AFP: variants seen among roughly 807,000 people sequenced by gnomAD.
AFP encodes the protein alpha fetoprotein.
Under a neutral mutation model 78.9 loss-of-function variants are expected in AFP, and 64 were observed. The ratio of observed to expected loss-of-function variants is 0.81; its 90% CI spans 0.66 to 1.00. The LOEUF is 1.00. Among genes scored for constraint, AFP ranks in the 50% least tolerant of loss-of-function variants. The pLI is 0.00. For synonymous variants in AFP, 254 were observed against 243.8 expected (o/e 1.04, Z -0.39); for missense variants, 689 against 703.8 (o/e 0.98, Z 0.24).
chr4:73,445,411 C>A (rs116859134), intron 7 of AFP, among the ~76,000 whole-genome samples: 12 of 151,932 alleles, frequency 7.9e-5, no homozygotes, highest in Non-Finnish European at 1.6e-4. Context: ...ACTTGGAGGA[C>A]GGGAGGAAAC....
At position 73,447,752 on chromosome 4, in the gene AFP, G is replaced by A. The variant is rs1003789417; in HGVS notation, c.1058+76G>A. On this transcript the variant is annotated intron_variant, in intron 8 of 14. Coordinates refer to ENST00000395792, the MANE Select transcript of AFP (RefSeq NM_001134.3). ...CTGACAGATTTGCGTTGTTGAAATG[G>A]AGAGTGATGATTATGGTTTTTGAGT... 3 of 1,238,246 alleles carry A rather than the reference G, an allele frequency of 2.4e-6. No individual in the cohort carries two copies. The African/African-American group carries it at 4.5e-5, about 19-fold the overall frequency. 76.7% of individuals were successfully genotyped at this position (1,238,246 alleles called of 1,614,324 possible).
At chr4:73,444,449 G>A (rs1047122672) in intron 6 of AFP, among the ~76,000 whole-genome samples, 4 of 152,100 alleles carry the variant, frequency 2.6e-5, no homozygotes, top group Non-Finnish European at 5.9e-5. Context: ...AATGAAATAT[G>A]CAGAGGAAAC....
At position 73,456,144 on chromosome 4, in the gene AFP, G is replaced by A. The variant is rs1720151723; in HGVS notation, c.*524G>A. ...TATTCACAGACATTTTAAAACATAA[G>A]AATATTACAGTTTTGATTGAATATA... On this transcript the variant is annotated 3_prime_UTR_variant, in exon 15 of 15. Transcript: ENST00000395792. 6.6e-6 allele frequency: 1 copy of A among 152,640 alleles called. No individual in the cohort carries two copies. Among genetic ancestry groups the A allele is most frequent in the Non-Finnish European group, 1.5e-5 (1 of 68,500 alleles). 9.5% of individuals were successfully genotyped at this position (152,640 alleles called of 1,614,324 possible). A position where few individuals can be genotyped will look rare whatever the true frequency, so the allele number is the denominator to read the frequency against.
intron 14 of AFP, 72 bp downstream of exon 14, chr4:73,455,362 T>A: frequency 8.3e-7 from 1 of 1,208,018 alleles, no homozygotes; most frequent in Non-Finnish European, 1.2e-6. Flanking sequence ...ATGAGATAGA[T>A]CATGAGGAGT....
At chr4:73,440,481 T>C in intron 3 of AFP, 121 bp from the exon 4 acceptor site, 1 of 803,002 alleles carries the variant, frequency 1.2e-6, no homozygotes, top group Non-Finnish European at 2.0e-6. Flanking sequence ...TTAGAATTTG[T>C]ATGGAAAATT....
At chr4:73,445,628 T>C (rs1411780797) in intron 7 of AFP, among the ~76,000 whole-genome samples, 3 of 152,182 alleles carry the variant, frequency 2.0e-5, no homozygotes, top group African/African-American at 4.8e-5. Context: ...GTTATCTCCA[T>C]AGCACAATGC....
At position 73,440,332 on chromosome 4, in the gene AFP, G is replaced by A. The variant is rs987402407; in HGVS notation, c.271-270G>A. ...GTCCAAATTTTTGATAACACAAAAA[G>A]GAAAAATAAAATAATTCAAAATTGG... On this transcript the variant is annotated intron_variant, in intron 3 of 14. Transcript: ENST00000395792. Among the ~76,000 whole-genome samples the A allele has an allele frequency of 4.0e-5, 6 of 151,802 alleles. 1 individual carries two copies. The South Asian group carries it at 1.0e-3, about 26-fold the overall frequency.
At chr4:73,442,522 A>C in intron 5 of AFP, 94 bp downstream of exon 5, 1 of 1,455,244 alleles carries the variant, frequency 6.9e-7, no homozygotes, top group Admixed American at 1.7e-5. Flanking sequence ...TTAATTGTGG[A>C]GAGTATCGTT....
intron 3 of AFP, among the ~76,000 whole-genome samples, chr4:73,439,614 T>C (rs1719605781): frequency 6.6e-6 from 1 of 152,210 alleles, no homozygotes; most frequent in African/African-American, 2.4e-5. Context: ...TAAATATTAC[T>C]GTAGCAGCTA....
rs1719727251 is a variant in AFP, at chr4:73,443,371, A to G, written c.640A>G (p.Arg214Gly). The G allele has an allele frequency of 6.2e-7, 1 of 1,613,754 alleles. No individual in the cohort carries two copies. Among genetic ancestry groups the G allele is most frequent in the Non-Finnish European group, 8.5e-7 (1 of 1,179,680 alleles). Reference protein sequence around the residue: ...TKAATVTKELRESSLLNQHAC... With the variant: ...TKAATVTKELGESSLLNQHAC... Reference sequence around the variant, plus strand: ...GGCAGCAACAGTTACAAAAGAATTAAGAGAAAGCAGCTTGTTAAATCAACA... The same window carrying G: ...GGCAGCAACAGTTACAAAAGAATTAGGAGAAAGCAGCTTGTTAAATCAACA... The change falls in exon 6 of 15, where the codon AGA becomes GGA. Residue 214 changes from arginine to glycine, a missense_variant. Arg to Gly is a moderately radical substitution (Grantham distance 125, BLOSUM62 -2). Transcript: ENST00000395792.
At chr4:73,442,061 A>G (rs1415336820) in intron 4 of AFP, among the ~76,000 whole-genome samples, 1 of 152,222 alleles carries the variant, frequency 6.6e-6, no homozygotes, top group African/African-American at 2.4e-5. Flanking sequence ...TCATAATAGA[A>G]TCTGGTACCA....
chr4:73,452,573 A>C lies in AFP; in HGVS notation c.1601A>C (p.His534Pro). The part of the protein sequence containing the change: ...PAFSDDKFIF[H>P]KDLCQAQGVA... ...TTCTCTGATGACAAGTTCATTTTCC[A>C]TAAGGATCTGTGCCAAGCTCAGGGT... The change falls in exon 12 of 15, where the codon CAT (histidine) becomes CCT (proline). Residue 534 changes from histidine (H) to proline (P), a missense_variant. Coordinates refer to ENST00000395792, the MANE Select transcript of AFP (RefSeq NM_001134.3). The C allele has an allele frequency of 6.2e-7, 1 of 1,614,028 alleles. No individual in the cohort carries two copies. Among genetic ancestry groups the C allele is most frequent in the Non-Finnish European group, 8.5e-7 (1 of 1,179,968 alleles).
In AFP at chr4:73,450,515, T is replaced by C. The variant is rs1217678236; in HGVS notation, c.1290-100T>C. On this transcript the variant is annotated intron_variant, in intron 10 of 14. Coordinates refer to ENST00000395792, the MANE Select transcript of AFP (RefSeq NM_001134.3). ...AGATGAAACAAACGAGCTGACCTCA[T>C]GTCTTCTGGCATGAGAGTAGAGAGT... 3 of 1,561,378 alleles carry C rather than the reference T, an allele frequency of 1.9e-6. No individual in the cohort carries two copies. In the East Asian group the frequency reaches 6.7e-5, roughly 35 times the overall value.
chr4:73,443,454 A>G lies in AFP; in HGVS notation c.713+10A>G. 2 of 1,583,036 alleles carry G rather than the reference A, an allele frequency of 1.3e-6. No individual in the cohort carries two copies. The highest frequency in any genetic ancestry group is 1.7e-6 in the Non-Finnish European group (2 of 1,151,776). On this transcript the variant is annotated intron_variant, in intron 6 of 14. Coordinates refer to ENST00000395792, the MANE Select transcript of AFP (RefSeq NM_001134.3). Reference sequence around the variant, plus strand: ...GAACTTTCCAAGCCATGTAAGTTCAAGTTCTATCTAGGGAAGAGGGTGAGA... The same window carrying G: ...GAACTTTCCAAGCCATGTAAGTTCAGGTTCTATCTAGGGAAGAGGGTGAGA...
intron 12 of AFP, among the ~76,000 whole-genome samples, chr4:73,453,018 A>G (rs1373611750): frequency 1.3e-5 from 2 of 152,182 alleles, no homozygotes; most frequent in African/African-American, 2.4e-5. Context: ...CTTTGAAGAG[A>G]ATAACCATCT....
chr4:73,440,168 A>G (rs1480325795), intron 3 of AFP, among the ~76,000 whole-genome samples: 2 of 152,040 alleles, frequency 1.3e-5, no homozygotes, highest in African/African-American at 4.8e-5. Flanking sequence ...CCTGGGTATT[A>G]AGCCCAGCGT....
intron 4 of AFP, 36 bp from the exon 5 acceptor site, chr4:73,442,260 T>C (rs1176532153): frequency 3.8e-6 from 6 of 1,595,632 alleles, no homozygotes; most frequent in Non-Finnish European, 4.3e-6. Context: ...TATTTTTAGG[T>C]GTTTATAAAT....
intron 8 of AFP, among the ~76,000 whole-genome samples, chr4:73,448,454 C>G (rs568646462): frequency 6.6e-6 from 1 of 152,116 alleles, no homozygotes; most frequent in Non-Finnish European, 1.5e-5. Context: ...CCAATTTTCT[C>G]TTTAATATTG....
Position 73,449,969 on chromosome 4 carries a change from A to G in AFP, c.1192-67A>G. Reference sequence around the variant, plus strand: ...TTTATAATAGTATATAATATTGATCAATTTTATATACAAAGTTATGCATCC... The same window carrying G: ...TTTATAATAGTATATAATATTGATCGATTTTATATACAAAGTTATGCATCC... On this transcript the variant is annotated intron_variant, in intron 9 of 14. Transcript: ENST00000395792. 4 of 1,017,450 alleles carry G rather than the reference A, an allele frequency of 3.9e-6. No homozygotes were observed. In the South Asian group the frequency reaches 5.7e-5, roughly 15 times the overall value. 63.0% of individuals were successfully genotyped at this position (1,017,450 alleles called of 1,614,324 possible). A position where few individuals can be genotyped will look rare whatever the true frequency, so the allele number is the denominator to read the frequency against.
Sources: allele counts gnomAD v4.1 joint callset (sites outside exome capture counted in the v4.1 genomes callset), GRCh38; gene constraint gnomAD v4.1.1; transcripts MANE v1.5; gene names NCBI Gene and HGNC (gene_info 2026-07-23, HGNC 2026-07-21).